FER1L6: variants seen among roughly 807,000 people sequenced by gnomAD.
FER1L6 encodes the protein fer-1-like protein 6.
A neutral mutation model predicts 219.2 loss-of-function variants in FER1L6; 177 were observed. That is an observed-to-expected ratio of 0.81 (90% CI 0.71 to 0.91). FER1L6 has a LOEUF of 0.91. Among genes scored for constraint, FER1L6 ranks in the 40% least tolerant of loss-of-function variants. FER1L6 has a pLI of 0.00. For missense variants in FER1L6, 2,153 were observed against 2,259.9 expected (o/e 0.95, Z 0.96); for synonymous variants, 768 against 824.3 (o/e 0.93, Z 1.17).
chr8:123,967,220 A>G (rs1349154114), intron 5 of FER1L6, among the ~76,000 whole-genome samples: 1 of 152,218 alleles, frequency 6.6e-6, no homozygotes, highest in African/African-American at 2.4e-5. Flanking sequence ...ATTCACTCTC[A>G]CTAGGCATTT....
chr8:124,095,704 C>T lies in FER1L6; in HGVS notation c.4695+666C>T, dbSNP rs752355864. Among the ~76,000 whole-genome samples the T allele has an allele frequency of 1.8e-4, 28 of 152,252 alleles. 1 individual carries two copies. The highest frequency in any genetic ancestry group is 5.3e-4 in the African/African-American group (22 of 41,564). On this transcript the variant is annotated intron_variant, in intron 35 of 40. Transcript: ENST00000522917. ...CAAACTGGGGCCATTTGGGAGTGAA[C>T]GCGGGCACTGTTAATAATCAAGCTG...
At chr8:124,005,942 T>A (rs1194669425) in intron 13 of FER1L6, among the ~76,000 whole-genome samples, 1 of 152,244 alleles carries the variant, frequency 6.6e-6, no homozygotes, top group Non-Finnish European at 1.5e-5. Context: ...CTGAATTTTC[T>A]AAACCCTGTC....
At chr8:124,102,531 A>G (rs1284069509) in intron 38 of FER1L6, among the ~76,000 whole-genome samples, 1 of 152,222 alleles carries the variant, frequency 6.6e-6, no homozygotes, top group African/African-American at 2.4e-5. Context: ...CCATGTATAT[A>G]TGCTCTGAAT....
At chr8:123,866,203 C>T (rs1230515245) in intron 1 of FER1L6, among the ~76,000 whole-genome samples, 1 of 151,916 alleles carries the variant, frequency 6.6e-6, no homozygotes, top group Non-Finnish European at 1.5e-5. Context: ...TCTTTTTGTG[C>T]CTTGCTTATT....
chr8:124,000,967 T>C (rs1288714593), intron 12 of FER1L6, among the ~76,000 whole-genome samples: 1 of 152,166 alleles, frequency 6.6e-6, no homozygotes, highest in Non-Finnish European at 1.5e-5. Context: ...GGGTGGGGAC[T>C]GAGAGAGACC....
rs542570715 is a variant in FER1L6, at chr8:124,081,241, G to T, written c.4221-1047G>T. Reference sequence around the variant, plus strand: ...AGCTGGAGAATACTGCTGTGTCCTTGATTTTGTTTTCAGGAAGGCATTTCC... The same window carrying T: ...AGCTGGAGAATACTGCTGTGTCCTTTATTTTGTTTTCAGGAAGGCATTTCC... On this transcript the variant is annotated intron_variant, in intron 32 of 40. Coordinates refer to ENST00000522917, the MANE Select transcript of FER1L6 (RefSeq NM_001039112.2). Among the ~76,000 whole-genome samples, 4 of 152,192 alleles carry T rather than the reference G, an allele frequency of 2.6e-5. No homozygotes were observed. In the East Asian group the frequency reaches 7.7e-4, roughly 29 times the overall value.
At chr8:124,008,186 A>G (rs111908459) in intron 13 of FER1L6, among the ~76,000 whole-genome samples, 5,573 of 152,296 alleles carry the variant, frequency 0.037, 223 homozygotes, top group East Asian at 0.12. Flanking sequence ...GAATGAAAGC[A>G]TACGATGTTT....
intron 1 of FER1L6, among the ~76,000 whole-genome samples, chr8:123,899,979 G>C (rs1812828237): frequency 6.6e-6 from 1 of 152,076 alleles, no homozygotes; most frequent in Non-Finnish European, 1.5e-5. Context: ...GGCTATGTGG[G>C]TTCTTTTTTG....
chr8:124,003,605 A>T (rs1817521670), intron 13 of FER1L6, among the ~76,000 whole-genome samples: 1 of 151,430 alleles, frequency 6.6e-6, no homozygotes, highest in Non-Finnish European at 1.5e-5. Flanking sequence ...AGTATCTGGG[A>T]CTACAGGCAC....
At chr8:123,938,148 A>C (rs1338976293) in intron 1 of FER1L6, among the ~76,000 whole-genome samples, 2 of 152,180 alleles carry the variant, frequency 1.3e-5, no homozygotes, top group Non-Finnish European at 2.9e-5. Context: ...AAGAAGGAAA[A>C]CCTGAGGAGG....
intron 12 of FER1L6, among the ~76,000 whole-genome samples, chr8:123,999,369 T>C (rs1817300515): frequency 2.6e-5 from 4 of 152,154 alleles, no homozygotes; most frequent in Admixed American, 2.6e-4. Context: ...CTGGGGGCCA[T>C]GCACGGTGGC....
At chr8:124,031,862 A>T (rs1818980718) in intron 18 of FER1L6, among the ~76,000 whole-genome samples, 1 of 152,190 alleles carries the variant, frequency 6.6e-6, no homozygotes, top group Admixed American at 6.5e-5. Context: ...TCCTGAAAGC[A>T]CCTAGGAAGG....
chr8:124,073,790 T>C (rs1073178), intron 31 of FER1L6, among the ~76,000 whole-genome samples: 121,639 of 152,132 alleles, frequency 0.8, 49,013 homozygotes, highest in Non-Finnish European at 0.86. Context: ...GAGAGTGATG[T>C]GGGAATTAAG....
chr8:123,880,157 G>A (rs140183622), intron 1 of FER1L6, among the ~76,000 whole-genome samples: 4 of 151,836 alleles, frequency 2.6e-5, no homozygotes, highest in Admixed American at 6.6e-5. Context: ...CCTCTTCCCC[G>A]ACCAACTCCC....
chr8:123,941,999 C>G (rs1438093501), intron 1 of FER1L6, among the ~76,000 whole-genome samples: 1 of 152,126 alleles, frequency 6.6e-6, no homozygotes, highest in Admixed American at 6.5e-5. Context: ...GGAATCAACT[C>G]TATCATGATG....
intron 2 of FER1L6, among the ~76,000 whole-genome samples, chr8:123,958,836 G>A (rs1393163575): frequency 4.0e-5 from 6 of 151,700 alleles, no homozygotes; most frequent in Non-Finnish European, 7.4e-5. Context: ...CTGGGCGATG[G>A]GCAGGGAGGA....
chr8:123,958,081 A>G (rs181455796), intron 2 of FER1L6, among the ~76,000 whole-genome samples: 2 of 152,364 alleles, frequency 1.3e-5, no homozygotes, highest in East Asian at 3.9e-4. Context: ...TAACCTAGCG[A>G]TTAGTTACAC....
chr8:124,107,461 AATGG>A (rs1822828146), intron 39 of FER1L6, among the ~76,000 whole-genome samples: 1 of 152,188 alleles, frequency 6.6e-6, no homozygotes, highest in African/African-American at 2.4e-5. Context: ...CACAGTGGCG[AATGG>A]ATGAACATTT....
chr8:124,023,598 T>G lies in FER1L6; in HGVS notation c.2286+2T>G. The G allele has an allele frequency of 6.2e-7, 1 of 1,613,994 alleles. No individual in the cohort carries two copies. The highest frequency in any genetic ancestry group is 1.1e-5 in the South Asian group (1 of 91,046). ...AAGATCAAAACTCACTTCCTCAAAG[T>G]AAGTGTGCAGTATTTTAACTAAAAG... On this transcript the variant is annotated splice_donor_variant, in intron 18 of 40. Transcript: ENST00000522917. LOFTEE classifies it high-confidence loss of function.
Sources: allele counts gnomAD v4.1 joint callset (sites outside exome capture counted in the v4.1 genomes callset), GRCh38; gene constraint gnomAD v4.1.1; transcripts MANE v1.5; gene names NCBI Gene and HGNC (gene_info 2026-07-23, HGNC 2026-07-21).